The following SCAPER variants were observed in gnomAD, a reference collection of about 807,000 sequenced individuals.
The protein encoded by SCAPER is S phase cyclin A-associated protein in the endoplasmic reticulum.
SCAPER carries 98 observed loss-of-function variants against 182.2 expected under a neutral mutation model. The observed-to-expected ratio is 0.54, with a 90% CI of 0.46 to 0.64. The LOEUF is 0.64. Ranked by LOEUF, SCAPER falls within the 30% of genes least tolerant of loss-of-function variation. The pLI is 0.00. For synonymous variants in SCAPER, 605 were observed against 564.6 expected (o/e 1.07, Z -1.01); for missense variants, 1,432 against 1,690.0 (o/e 0.85, Z 2.68).
chr15:76,823,000 T>C (rs940209462), intron 5 of SCAPER, among the ~76,000 whole-genome samples: 3 of 152,126 alleles, frequency 2.0e-5, no homozygotes, highest in Non-Finnish European at 4.4e-5. Flanking sequence ...AAAGATAACT[T>C]CCCAATACTC....
chr15:76,588,357 G>A (rs1476918175), intron 22 of SCAPER, among the ~76,000 whole-genome samples: 1 of 152,110 alleles, frequency 6.6e-6, no homozygotes. Context: ...GTCCCTCTTT[G>A]TCTTTTTCAA....
At chr15:76,439,727 C>T (rs1055781158) in intron 25 of SCAPER, among the ~76,000 whole-genome samples, 1 of 152,132 alleles carries the variant, frequency 6.6e-6, no homozygotes, top group African/African-American at 2.4e-5. Context: ...ACATTCCATT[C>T]TGGGGTGGGT....
At chr15:76,405,394 G>A (rs770658437) in intron 26 of SCAPER, among the ~76,000 whole-genome samples, 1 of 151,980 alleles carries the variant, frequency 6.6e-6, no homozygotes, top group Non-Finnish European at 1.5e-5. Context: ...TACAATTACA[G>A]GCATGGGCCA....
Position 76,665,665 on chromosome 15 carries a change from C to T in SCAPER, c.2633G>A (p.Arg878Gln), listed in dbSNP as rs1417688248. 4.4e-6 allele frequency: 7 copies of T among 1,591,618 alleles called. No homozygotes were observed. The highest frequency in any genetic ancestry group is 5.1e-6 in the Non-Finnish European group (6 of 1,171,496). ...NKKKAKKIKA[R>Q]MNFRAKEYES... ...GTATTTAAGGTACCTGAAGTTCATC[C>T]GGGCTTTTATCTTTTTGGCTTTTTT... Residue 878 changes from arginine (R) to glutamine (Q), a missense_variant, in exon 21 of 32, where the codon CGG becomes CAG. Physicochemically the swap from Arg to Gln is conservative, Grantham distance 43. Around this residue, in one of 5 missense-constraint regions of SCAPER, gnomAD observed 718 missense variants for 799.7 expected, o/e 0.90. Transcript: ENST00000563290.
chr15:76,393,967 G>C (rs571434700), intron 27 of SCAPER, among the ~76,000 whole-genome samples: 1 of 152,276 alleles, frequency 6.6e-6, no homozygotes, highest in African/African-American at 2.4e-5. Context: ...AGACATTGTG[G>C]AACAAAGATA....
intron 22 of SCAPER, among the ~76,000 whole-genome samples, chr15:76,621,204 C>A (rs1410383180): frequency 1.3e-5 from 2 of 152,086 alleles, no homozygotes; most frequent in Non-Finnish European, 2.9e-5. Flanking sequence ...GCTCTACTGA[C>A]AGTATTTTTA....
chr15:76,395,287 G>A (rs1275630374), intron 27 of SCAPER, among the ~76,000 whole-genome samples: 1 of 152,082 alleles, frequency 6.6e-6, no homozygotes, highest in Non-Finnish European at 1.5e-5. Context: ...TTGGCTATTG[G>A]GAACAGTGCT....
intron 26 of SCAPER, among the ~76,000 whole-genome samples, chr15:76,426,635 A>G (rs996808111): frequency 6.6e-6 from 1 of 152,154 alleles, no homozygotes; most frequent in African/African-American, 2.4e-5. Flanking sequence ...AAATGGCTAT[A>G]CTACCCAAAG....
chr15:76,573,047 G>A (rs1240176392), intron 23 of SCAPER, among the ~76,000 whole-genome samples: 1 of 151,908 alleles, frequency 6.6e-6, no homozygotes, highest in Non-Finnish European at 1.5e-5. Context: ...ATATTTATAA[G>A]GCTAAATAAA....
chr15:76,459,017 C>T (rs1201683953), intron 25 of SCAPER, among the ~76,000 whole-genome samples: 1 of 152,014 alleles, frequency 6.6e-6, no homozygotes, highest in Non-Finnish European at 1.5e-5. Flanking sequence ...ATCTCAGCCT[C>T]CCAGGTAGCT....
intron 22 of SCAPER, among the ~76,000 whole-genome samples, chr15:76,589,277 C>G (rs2048928353): frequency 6.6e-6 from 1 of 152,018 alleles, no homozygotes; most frequent in Non-Finnish European, 1.5e-5. Context: ...GGCCCAAGAA[C>G]AGCTAACAGA....
chr15:76,694,419 A>G (rs1054537863), intron 20 of SCAPER, among the ~76,000 whole-genome samples: 10 of 152,126 alleles, frequency 6.6e-5, no homozygotes, highest in African/African-American at 2.4e-4. Flanking sequence ...AAACATAACT[A>G]ATTGTGGTAA....
At chr15:76,575,712 C>T (rs2047766971) in intron 22 of SCAPER, among the ~76,000 whole-genome samples, 1 of 152,234 alleles carries the variant, frequency 6.6e-6, no homozygotes, top group Non-Finnish European at 1.5e-5. Context: ...TCCCTCAGCT[C>T]TTAGCACAAA....
At chr15:76,707,110 A>G (rs530301582) in intron 17 of SCAPER, among the ~76,000 whole-genome samples, 2 of 152,194 alleles carry the variant, frequency 1.3e-5, no homozygotes, top group Non-Finnish European at 2.9e-5. Context: ...TAAGTCGATG[A>G]ATACTATAAT....
chr15:76,686,436 A>G (rs980366779), intron 20 of SCAPER, among the ~76,000 whole-genome samples: 3 of 152,150 alleles, frequency 2.0e-5, no homozygotes, highest in Non-Finnish European at 4.4e-5. Flanking sequence ...ATGTAAATCT[A>G]TAACTCTTAT....
chr15:76,900,475 C>T (rs2074721256), intron 1 of SCAPER, among the ~76,000 whole-genome samples: 1 of 151,482 alleles, frequency 6.6e-6, no homozygotes, highest in East Asian at 1.9e-4. Flanking sequence ...AAAACAGTGG[C>T]CAAGCAGAAA....
intron 21 of SCAPER, among the ~76,000 whole-genome samples, chr15:76,625,567 A>G (rs1178019620): frequency 6.6e-6 from 1 of 152,074 alleles, no homozygotes; most frequent in African/African-American, 2.4e-5. Flanking sequence ...ATGGAAATGC[A>G]GAAGCTGTTG....
chr15:76,799,808 T>C (rs1174996771), intron 7 of SCAPER, among the ~76,000 whole-genome samples: 2 of 152,132 alleles, frequency 1.3e-5, no homozygotes, highest in African/African-American at 2.4e-5. Flanking sequence ...TTGGGGTCTT[T>C]TGGCTGTGGT....
intron 26 of SCAPER, among the ~76,000 whole-genome samples, chr15:76,431,958 C>A (rs947681243): frequency 2.6e-5 from 4 of 152,100 alleles, no homozygotes; most frequent in African/African-American, 7.2e-5. Context: ...GGGAAAAATA[C>A]CTCCTAAAGG....
Sources: allele counts gnomAD v4.1 joint callset (sites outside exome capture counted in the v4.1 genomes callset), GRCh38; gene constraint gnomAD v4.1.1; regional missense constraint gnomAD v4.1.1; transcripts MANE v1.5; gene names NCBI Gene and HGNC (gene_info 2026-07-23, HGNC 2026-07-21).